Variants in VWC2 observed in about 807,000 individuals in gnomAD.
VWC2 encodes brorin.
A neutral mutation model predicts 29.8 loss-of-function variants in VWC2; 14 were observed. The ratio of observed to expected loss-of-function variants is 0.47; its 90% confidence interval spans 0.31 to 0.74. The LOEUF is 0.74. Ranked by LOEUF, VWC2 falls within the 30% of genes least tolerant of loss-of-function variation. The pLI, the probability that VWC2 is intolerant of heterozygous loss-of-function variation, is 0.05. For missense variants in VWC2, 457 were observed against 459.8 expected (o/e 0.99, Z 0.05); for synonymous variants, 213 against 199.0 (o/e 1.07, Z -0.59).
At chr7:49,824,840 A>G (rs951974265) in intron 3 of VWC2, among the ~76,000 whole-genome samples, 1 of 152,156 alleles carries the variant, frequency 6.6e-6, no homozygotes, top group African/African-American at 2.4e-5. Flanking sequence ...TTCCTTCAGT[A>G]TAGAAATATA....
At chr7:49,787,910 G>A (rs895480801) in intron 2 of VWC2, among the ~76,000 whole-genome samples, 1 of 152,212 alleles carries the variant, frequency 6.6e-6, no homozygotes, top group Admixed American at 6.5e-5. Context: ...AGGGATGACA[G>A]ATATAATTTA....
chr7:49,826,873 T>C (rs1789405302), intron 3 of VWC2, among the ~76,000 whole-genome samples: 1 of 152,154 alleles, frequency 6.6e-6, no homozygotes, highest in Non-Finnish European at 1.5e-5. Flanking sequence ...TTTTTTTTCC[T>C]AGCAAGTACC....
intron 3 of VWC2, among the ~76,000 whole-genome samples, chr7:49,822,315 A>C (rs1056999778): frequency 1.3e-5 from 2 of 152,110 alleles, no homozygotes; most frequent in African/African-American, 4.8e-5. Context: ...ATGCTTACTG[A>C]GGTAGACCTC....
In VWC2 at chr7:49,775,598, G is replaced by T; in HGVS notation, c.163G>T (p.Gly55Cys). 6.5e-7 allele frequency: 1 copy of T among 1,533,894 alleles called. No individual in the cohort carries two copies. The highest frequency in any genetic ancestry group is 1.2e-5 in the South Asian group (1 of 82,600). Residue 55 changes from glycine to cysteine, a missense_variant, in exon 2 of 4, where the codon GGC (glycine) becomes TGC (cysteine). Physicochemically the swap from Gly to Cys is radical, Grantham distance 159 (BLOSUM62 -3). This residue lies in a region of VWC2 where 272 missense variants were observed against 202.7 expected (regional missense o/e 1.34). Coordinates refer to ENST00000340652, the MANE Select transcript of VWC2 (RefSeq NM_198570.5). ...GAAGCGTGAGCACGCCTCTCGGGAC[G>T]GCCCGGGGCGGGTGAACGAGCTCGG... is the stretch of plus-strand genomic sequence containing the variant. The part of the protein sequence containing the change: ...QEKREHASRD[G>C]PGRVNELGRP...
intron 3 of VWC2, among the ~76,000 whole-genome samples, chr7:49,830,953 A>T (rs1286074551): frequency 6.6e-6 from 1 of 152,008 alleles, no homozygotes; most frequent in Non-Finnish European, 1.5e-5. Context: ...AGTCTTTGCT[A>T]TTGTGAATAG....
At chr7:49,909,146 A>C (rs892047122) in intron 3 of VWC2, among the ~76,000 whole-genome samples, 1 of 152,244 alleles carries the variant, frequency 6.6e-6, no homozygotes, top group African/African-American at 2.4e-5. Context: ...ATAACTATTA[A>C]GTACCAGATT....
Position 49,775,552 on chromosome 7 carries a change from A to T in VWC2, c.117A>T (p.Ala39=). The change falls in exon 2 of 4, where the codon GCA becomes GCT. Residue 39 remains alanine (A), a synonymous_variant. Transcript: ENST00000340652. ...TCCCGCTGGAGAAGCTGGCCCAGGC[A>T]CCAGAGCAGCCGGGCCAGGAGAAGC... is the stretch of plus-strand genomic sequence containing the variant. ...PSIPLEKLAQ[A]PEQPGQEKRE... is the part of the protein sequence containing the mutation. 6.4e-7 allele frequency: 1 copy of T among 1,556,322 alleles called. No individual in the cohort carries two copies. The highest frequency in any genetic ancestry group is 1.9e-5 in the Admixed American group (1 of 53,798).
chr7:49,890,481 G>A (rs931855741), intron 3 of VWC2, among the ~76,000 whole-genome samples: 14 of 152,092 alleles, frequency 9.2e-5, no homozygotes, highest in African/African-American at 3.4e-4. Flanking sequence ...ACATCTCTAG[G>A]TTAGCATCCC....
At chr7:49,819,750 G>A (rs78037654) in intron 3 of VWC2, among the ~76,000 whole-genome samples, 2 of 152,182 alleles carry the variant, frequency 1.3e-5, no homozygotes, top group East Asian at 1.9e-4. Context: ...AGGGGGGCCC[G>A]TGGGGGAGGG....
chr7:49,796,032 C>T (rs891407015), intron 2 of VWC2, among the ~76,000 whole-genome samples: 2 of 151,986 alleles, frequency 1.3e-5, no homozygotes, highest in Non-Finnish European at 2.9e-5. Context: ...AGGGGGCAGA[C>T]GATATTTCAG....
intron 2 of VWC2, among the ~76,000 whole-genome samples, 158 bp downstream of exon 2, chr7:49,776,289 A>G (rs1364978716): frequency 6.6e-6 from 1 of 152,216 alleles, no homozygotes; most frequent in African/African-American, 2.4e-5. Context: ...TCTCTTTTTC[A>G]GGGCAGAGGT....
chr7:49,775,267 GGGGCCGCGGCGGGCCGGGGCGCGCGC>G (rs1788024929), intron 1 of VWC2, 40 bp from the exon 2 acceptor site: 3 of 323,884 alleles, frequency 9.3e-6, no homozygotes, highest in Admixed American at 1.0e-4. Flanking sequence ...AGCCCGGGTG[GGGGCCGCGGCGGGCCGGGGCGCGCGC>G]GGGCCGCGGG....
intron 3 of VWC2, among the ~76,000 whole-genome samples, chr7:49,844,027 G>C (rs1010658887): frequency 3.3e-5 from 5 of 152,208 alleles, no homozygotes; most frequent in Non-Finnish European, 7.3e-5. Flanking sequence ...CATGGAATTG[G>C]CTGGGTGATG....
At chr7:49,888,526 A>G (rs1260416534) in intron 3 of VWC2, among the ~76,000 whole-genome samples, 1 of 152,194 alleles carries the variant, frequency 6.6e-6, no homozygotes, top group Non-Finnish European at 1.5e-5. Flanking sequence ...GTTCAGAAGG[A>G]CTGGCTTCAG....
At chr7:49,827,675 T>C (rs533128944) in intron 3 of VWC2, among the ~76,000 whole-genome samples, 13 of 152,284 alleles carry the variant, frequency 8.5e-5, no homozygotes, top group Non-Finnish European at 1.9e-4. Context: ...ATTTAAAAGG[T>C]CCACCATGTA....
intron 2 of VWC2, among the ~76,000 whole-genome samples, chr7:49,791,511 A>T (rs1474370422): frequency 2.0e-5 from 3 of 152,240 alleles, no homozygotes; most frequent in African/African-American, 7.2e-5. Flanking sequence ...CTGATGGCTG[A>T]AAACAGTTGT....
chr7:49,877,105 A>C (rs542844592), intron 3 of VWC2, among the ~76,000 whole-genome samples: 48 of 152,268 alleles, frequency 3.2e-4, no homozygotes, highest in Non-Finnish European at 5.0e-4. Context: ...TGTGAGAATC[A>C]AGTGAGAAAA....
Position 49,814,868 on chromosome 7 carries a change from T to G in VWC2, c.826+12028T>G, listed in dbSNP as rs542927379. Among the ~76,000 whole-genome samples the G allele has an allele frequency of 5.9e-5, 9 of 152,322 alleles. No homozygotes were observed. The East Asian group carries it at 1.4e-3, about 23-fold the overall frequency. The stretch of plus-strand genomic sequence containing the variant: ...AACTCTCACTGAGTCTGTATAAATG[T>G]GTGTCCAGAGGTCCTTGTGGGAACT... On this transcript the variant is annotated intron_variant, in intron 3 of 3. Coordinates refer to ENST00000340652, the MANE Select transcript of VWC2 (RefSeq NM_198570.5).
chr7:49,795,050 C>A (rs186417327), intron 2 of VWC2, among the ~76,000 whole-genome samples: 1 of 152,080 alleles, frequency 6.6e-6, no homozygotes, highest in African/African-American at 2.4e-5. Flanking sequence ...GTGAGTGACT[C>A]GTGTATTTCT....
Sources: gnomAD v4.1 joint callset for allele counts (sites outside exome capture counted in the v4.1 genomes callset) on GRCh38, gnomAD v4.1.1 for gene constraint, gnomAD v4.1.1 regional missense constraint, MANE v1.5 for transcripts, NCBI Gene and HGNC (gene_info 2026-07-23, HGNC 2026-07-21) for gene names.